SNTA1: variants seen among roughly 807,000 people sequenced by gnomAD.
SNTA1 encodes the protein alpha-1-syntrophin.
In SNTA1, 31 loss-of-function variants were observed where a neutral mutation model predicts 47.1. That is an observed-to-expected ratio of 0.66 (90% CI 0.49 to 0.89). SNTA1 has a LOEUF of 0.89. SNTA1 is among the 40% of genes least tolerant of loss of function. The pLI is 0.00. For missense variants in SNTA1, 575 were observed against 693.0 expected, an observed-to-expected ratio of 0.83 and a Z score of 1.91; for synonymous variants, 300 against 313.6, an observed-to-expected ratio of 0.96 and a Z score of 0.46.
At chr20:33,433,417 A>C (rs1990361407) in intron 2 of SNTA1, among the ~76,000 whole-genome samples, 1 of 151,284 alleles carries the variant, frequency 6.6e-6, no homozygotes, top group Admixed American at 6.6e-5. Flanking sequence ...GGCGCGTGTC[A>C]CCATGCTCAG....
Position 33,435,188 on chromosome 20 carries a change from C to T in SNTA1, c.496+3653G>A, listed in dbSNP as rs190744758. Reference sequence around the variant, plus strand: ...TGTATTTTTAGTAGAGACGGGGTTTCGCCATGTTGGCCAGGCTGGTCTCAA... The same window carrying T: ...TGTATTTTTAGTAGAGACGGGGTTTTGCCATGTTGGCCAGGCTGGTCTCAA... On this transcript the variant is annotated intron_variant, in intron 2 of 7. Coordinates refer to ENST00000217381, the MANE Select transcript of SNTA1 (RefSeq NM_003098.3). Among the ~76,000 whole-genome samples, 120 of 149,146 alleles carry T rather than the reference C, an allele frequency of 8.0e-4. 1 individual carries two copies. The highest frequency in any genetic ancestry group is 2.7e-3 in the African/African-American group (110 of 40,926).
chr20:33,432,346 C>T (rs1378588845), intron 2 of SNTA1, among the ~76,000 whole-genome samples: 3 of 152,186 alleles, frequency 2.0e-5, no homozygotes, highest in Admixed American at 2.0e-4. Context: ...AACAGAAAAG[C>T]TCAAGAGTCA....
At chr20:33,417,994 TTTA>T in intron 2 of SNTA1, 71 bp from the exon 3 acceptor site, 1 of 1,025,772 alleles carries the variant, frequency 9.7e-7, no homozygotes, top group Non-Finnish European at 1.5e-6. Context: ...TTGTCACTAA[TTTA>T]TTAAGAGTTT....
chr20:33,443,584 G>T lies in SNTA1; in HGVS notation c.37C>A (p.Leu13Met). 1 of 1,269,862 alleles carries T rather than the reference G, an allele frequency of 7.9e-7. No homozygotes were observed. The highest frequency in any genetic ancestry group is 9.9e-7 in the Non-Finnish European group (1 of 1,006,452). 78.7% of individuals were successfully genotyped at this position (1,269,862 alleles called of 1,614,324 possible). A position where few individuals can be genotyped will look rare whatever the true frequency, so the allele number is the denominator to read the frequency against. The change falls in exon 1 of 8, where the codon CTG becomes ATG. Residue 13 changes from leucine (L) to methionine (M), a missense_variant. Coordinates refer to ENST00000217381, the MANE Select transcript of SNTA1 (RefSeq NM_003098.3). ...SGRRAPRTGLLELRAGAGSGA... is the reference protein window; with the variant it reads ...SGRRAPRTGLMELRAGAGSGA... ...GAGCCCGCCCCGGCGCGCAGCTCCA[G>T]CAGCCCGGTGCGCGGGGCGCGCCTG... is the stretch of plus-strand genomic sequence containing the variant.
intron 2 of SNTA1, among the ~76,000 whole-genome samples, chr20:33,426,587 C>T (rs928692069): frequency 3.3e-5 from 5 of 151,584 alleles, no homozygotes; most frequent in African/African-American, 1.2e-4. Context: ...CATGATGAAA[C>T]CTCGTCTCTC....
intron 1 of SNTA1, 48 bp from the exon 2 acceptor site, chr20:33,439,074 C>G (rs1947563613): frequency 6.6e-7 from 1 of 1,503,858 alleles, no homozygotes. Flanking sequence ...TACTCCAACA[C>G]TTGGGAGTCA....
chr20:33,416,427 A>G (rs995115514), intron 3 of SNTA1, among the ~76,000 whole-genome samples: 1 of 152,246 alleles, frequency 6.6e-6, no homozygotes, highest in East Asian at 1.9e-4. Flanking sequence ...CAAAGCAGAA[A>G]GGACTACCAG....
At chr20:33,440,401 G>A (rs564418679) in intron 1 of SNTA1, among the ~76,000 whole-genome samples, 2 of 152,256 alleles carry the variant, frequency 1.3e-5, no homozygotes, top group African/African-American at 2.4e-5. Flanking sequence ...GTTGCAATGA[G>A]CCAAGATTGC....
chr20:33,410,850 T>C (rs950135997), intron 5 of SNTA1, among the ~76,000 whole-genome samples: 1 of 152,232 alleles, frequency 6.6e-6, no homozygotes, highest in Non-Finnish European at 1.5e-5. Flanking sequence ...TGTTCACCAC[T>C]GTATTCCCAG....
At chr20:33,428,392 G>T (rs887031270) in intron 2 of SNTA1, among the ~76,000 whole-genome samples, 13 of 151,844 alleles carry the variant, frequency 8.6e-5, no homozygotes, top group Admixed American at 3.9e-4. Context: ...CTGGGCAACA[G>T]AGTGAGACAC....
chr20:33,417,938 C>T lies in SNTA1; in HGVS notation c.497-15G>A, dbSNP rs766076700. On this transcript the variant is annotated splice_polypyrimidine_tract_variant and intron_variant, in intron 2 of 7. Coordinates refer to ENST00000217381, the MANE Select transcript of SNTA1 (RefSeq NM_003098.3). ...CATATACTTGACTGATTGGGAGAGACATCAGCAGTCACCACTGTGACATGG... is the reference window on the plus strand; with the variant it reads ...CATATACTTGACTGATTGGGAGAGATATCAGCAGTCACCACTGTGACATGG... 1.3e-6 allele frequency: 2 copies of T among 1,565,890 alleles called. No individual in the cohort carries two copies. The highest frequency in any genetic ancestry group is 1.8e-6 in the Non-Finnish European group (2 of 1,136,252).
chr20:33,412,512 G>T, intron 4 of SNTA1, 63 bp downstream of exon 4: 1 of 1,601,776 alleles, frequency 6.2e-7, no homozygotes, highest in Non-Finnish European at 8.5e-7. Context: ...GGGGCACTGG[G>T]AACAGGGCCA....
Position 33,443,676 on chromosome 20 carries a change from C to A in SNTA1, c.-56G>T. 1 of 1,099,316 alleles carries A rather than the reference C, an allele frequency of 9.1e-7. No individual in the cohort carries two copies. Among genetic ancestry groups the A allele is most frequent in the South Asian group, 4.1e-5 (1 of 24,126 alleles). 68.1% of individuals were successfully genotyped at this position (1,099,316 alleles called of 1,614,324 possible). A position where few individuals can be genotyped will look rare whatever the true frequency, so the allele number is the denominator to read the frequency against. The stretch of plus-strand genomic sequence containing the variant: ...TCGCCCTGTCCCGCTTTGCCCAGCC[C>A]GCTCCGACCAAGCGCCCAGGGCAGA... On this transcript the variant is annotated 5_prime_UTR_variant, in exon 1 of 8. Transcript: ENST00000217381.
At chr20:33,435,976 C>T (rs1335155666) in intron 2 of SNTA1, among the ~76,000 whole-genome samples, 1 of 152,044 alleles carries the variant, frequency 6.6e-6, no homozygotes, top group African/African-American at 2.4e-5. Flanking sequence ...GGGCAGATCA[C>T]AAGGTCAGGA....
At position 33,443,658 on chromosome 20, in the gene SNTA1, G is replaced by C. The variant is rs1990638619; in HGVS notation, c.-38C>G. Reference sequence around the variant, plus strand: ...GCCCCCGGGCCGCCGCGCTCGCCCTGTCCCGCTTTGCCCAGCCCGCTCCGA... The same window carrying C: ...GCCCCCGGGCCGCCGCGCTCGCCCTCTCCCGCTTTGCCCAGCCCGCTCCGA... On this transcript the variant is annotated 5_prime_UTR_variant, in exon 1 of 8. Transcript: ENST00000217381. 6.0e-6 allele frequency: 7 copies of C among 1,158,962 alleles called. No individual in the cohort carries two copies. The highest frequency in any genetic ancestry group is 7.4e-6 in the Non-Finnish European group (7 of 939,884). The allele number at this position is 1,158,962 out of a possible 1,614,324, so 71.8% of individuals were successfully genotyped here.
At chr20:33,425,276 T>A (rs1302542017) in intron 2 of SNTA1, among the ~76,000 whole-genome samples, 2 of 151,714 alleles carry the variant, frequency 1.3e-5, no homozygotes, top group Non-Finnish European at 2.9e-5. Flanking sequence ...TATCTATAAA[T>A]AAGTACGTAA....
At chr20:33,436,726 G>T (rs545289153) in intron 2 of SNTA1, among the ~76,000 whole-genome samples, 3 of 152,084 alleles carry the variant, frequency 2.0e-5, no homozygotes, top group East Asian at 1.9e-4. Context: ...ACTTTGGGAG[G>T]CCGAGGCAGG....
chr20:33,418,855 G>GT (rs1281951742), intron 2 of SNTA1, among the ~76,000 whole-genome samples: 3 of 144,052 alleles, frequency 2.1e-5, no homozygotes, highest in African/African-American at 7.8e-5. Flanking sequence ...GCTCATGCCT[G>GT]TAATTCCAGC....
At chr20:33,433,676 C>T (rs111888983) in intron 2 of SNTA1, among the ~76,000 whole-genome samples, 27 of 152,244 alleles carry the variant, frequency 1.8e-4, no homozygotes, top group African/African-American at 6.3e-4. Context: ...CCCTCTTCCC[C>T]CAGGCCTGGC....
Sources: gnomAD v4.1 joint callset for allele counts (sites outside exome capture counted in the v4.1 genomes callset) on GRCh38, gnomAD v4.1.1 for gene constraint, MANE v1.5 for transcripts, NCBI Gene and HGNC (gene_info 2026-07-23, HGNC 2026-07-21) for gene names.